Variants in PPP2R1B observed in about 807,000 individuals in gnomAD.
PPP2R1B encodes serine/threonine-protein phosphatase 2A 65 kDa regulatory subunit A beta isoform.
In PPP2R1B, 58 loss-of-function variants were observed where a neutral mutation model predicts 72.7. The ratio of observed to expected loss-of-function variants is 0.80; its 90% CI spans 0.65 to 0.99. The LOEUF (loss-of-function observed/expected upper bound fraction) is 0.99, where lower values mean the gene tolerates loss of function less well. Ranked by LOEUF, PPP2R1B falls within the 50% of genes least tolerant of loss-of-function variation. PPP2R1B has a pLI of 0.00. For synonymous variants in PPP2R1B, 256 were observed against 264.6 expected (o/e 0.97, Z 0.32); for missense variants, 695 against 733.6 (o/e 0.95, Z 0.61).
the PPP2R1B span, among the ~76,000 whole-genome samples, chr11:111,692,751 G>T: frequency 1.3e-5 from 2 of 151,840 alleles, no homozygotes; most frequent in East Asian, 3.9e-4. Flanking sequence ...GAAAAATAGG[G>T]CTCTGTGGGA....
the PPP2R1B span, among the ~76,000 whole-genome samples, chr11:111,704,429 G>C: frequency 6.6e-6 from 1 of 152,206 alleles, no homozygotes; most frequent in African/African-American, 2.4e-5. Flanking sequence ...GGTTTTAAGA[G>C]GGTGGGACTG....
chr11:111,739,735 G>A lies in PPP2R1B; in HGVS notation c.*1861C>T. On this transcript the variant is annotated 3_prime_UTR_variant, in exon 15 of 15. Coordinates refer to ENST00000527614, the MANE Select transcript of PPP2R1B (RefSeq NM_002716.5). ...CTCAAATATGAAATTCAATGAAGAAGAACATAACTTGCAGGTAACAAAAAA... is the reference window on the plus strand; with the variant it reads ...CTCAAATATGAAATTCAATGAAGAAAAACATAACTTGCAGGTAACAAAAAA... 2 of 983,140 alleles carry A rather than the reference G, an allele frequency of 2.0e-6. No individual in the cohort carries two copies. The allele number at this position is 983,140 out of a possible 1,614,324, so 60.9% of individuals were successfully genotyped here.
chr11:111,762,571 TA>T (rs1945365805), intron 3 of PPP2R1B, among the ~76,000 whole-genome samples: 1 of 151,080 alleles, frequency 6.6e-6, no homozygotes, highest in African/African-American at 2.4e-5. Context: ...TTTTTTTTTT[TA>T]AGAGACAGGG....
the PPP2R1B span, chr11:111,721,726 G>A: frequency 1.3e-6 from 1 of 746,950 alleles, no homozygotes; most frequent in Non-Finnish European, 2.1e-6. Context: ...AAGTCTCAGT[G>A]GAGTTGGTAT....
chr11:111,750,021 A>ATT (rs1555047401), intron 10 of PPP2R1B, among the ~76,000 whole-genome samples: 3 of 152,230 alleles, frequency 2.0e-5, no homozygotes, highest in Non-Finnish European at 4.4e-5. Flanking sequence ...TGAAGAGAAG[A>ATT]TGACCCATAG....
rs781577952 is a variant in PPP2R1B, at chr11:111,727,115, C to A, written c.1912-58G>T. On this transcript the variant is annotated intron_variant, in intron 15 of 15. Coordinates refer to the PPP2R1B transcript ENST00000311129. ...AAGAGGGGGCCCACTTTCACATTCC[C>A]GGTGACACTGACCGTCCCCAGCTGC... 3 of 1,476,634 alleles carry A rather than the reference C, an allele frequency of 2.0e-6. No homozygotes were observed. The African/African-American group carries it at 4.2e-5, about 20-fold the overall frequency. The allele number at this position is 1,476,634 out of a possible 1,614,324, so 91.5% of individuals were successfully genotyped here.
At position 111,737,911 on chromosome 11, in the gene PPP2R1B, T is replaced by C; in HGVS notation, c.*3685A>G. ...TCATATCAGTTTAAGAGAACAACTC[T>C]GGAGACAGAAATGGCTTGGCTTTCC... On this transcript the variant is annotated 3_prime_UTR_variant, in exon 15 of 15. Coordinates refer to ENST00000527614, the MANE Select transcript of PPP2R1B (RefSeq NM_002716.5). The C allele has an allele frequency of 9.4e-7, 1 of 1,061,470 alleles. No individual in the cohort carries two copies. The highest frequency in any genetic ancestry group is 1.1e-6 in the Non-Finnish European group (1 of 876,308). The allele number at this position is 1,061,470 out of a possible 1,614,324, so 65.8% of individuals were successfully genotyped here.
Position 111,743,358 on chromosome 11 carries a change from C to T in PPP2R1B, c.1554+18G>A, listed in dbSNP as rs374559029. On this transcript the variant is annotated intron_variant, in intron 12 of 14. Coordinates refer to ENST00000527614, the MANE Select transcript of PPP2R1B (RefSeq NM_002716.5). ...CTTTAATGATTAAGCTTAGCAATAA[C>T]AGTTATGTTATACTTACATTAATGC... 5 of 1,587,994 alleles carry T rather than the reference C, an allele frequency of 3.1e-6. No individual in the cohort carries two copies. Among genetic ancestry groups the T allele is most frequent in the Non-Finnish European group, 2.6e-6 (3 of 1,162,338 alleles).
At chr11:111,765,571 C>T (rs996436830) in intron 1 of PPP2R1B, among the ~76,000 whole-genome samples, 187 bp from the exon 2 acceptor site, 5 of 152,136 alleles carry the variant, frequency 3.3e-5, no homozygotes, top group African/African-American at 1.2e-4. Flanking sequence ...GCCTCACTAG[C>T]CGGCGGAGGA....
chr11:111,753,522 A>G lies in PPP2R1B; in HGVS notation c.1085T>C (p.Met362Thr), dbSNP rs782765845. The change falls in exon 9 of 15, where the codon ATG becomes ACG. Residue 362 changes from methionine (M) to threonine (T), a missense_variant. Coordinates refer to ENST00000527614, the MANE Select transcript of PPP2R1B (RefSeq NM_002716.5). ...TTTGCCCAAAATAGTAGACAATCCC[A>G]TAATTACAGAAGCTAGAGCCGATTT... ...HVKSALASVI[M>T]GLSTILGKEN... The G allele has an allele frequency of 1.2e-6, 2 of 1,613,036 alleles. No homozygotes were observed. The highest frequency in any genetic ancestry group is 1.7e-6 in the Non-Finnish European group (2 of 1,179,132).
chr11:111,759,725 TA>T (rs1267821852), intron 5 of PPP2R1B, 78 bp downstream of exon 5: 132 of 1,454,152 alleles, frequency 9.1e-5, no homozygotes, highest in Non-Finnish European at 1.2e-4. Context: ...ACAAGAAAAC[TA>T]AAACTCCCCA....
chr11:111,726,854 C>A (rs1047147256), downstream of PPP2R1B: 1 of 922,550 alleles, frequency 1.1e-6, no homozygotes, highest in Admixed American at 2.1e-5. Flanking sequence ...GTAAACCAGG[C>A]TCCTCTGAAG....
intron 15 of PPP2R1B, chr11:111,730,184 C>T (rs1178180675): frequency 6.6e-6 from 1 of 152,180 alleles, no homozygotes; most frequent in Non-Finnish European, 1.5e-5. Context: ...TAGAGGGGAG[C>T]TTTAAAAATA....
At position 111,740,605 on chromosome 11, in the gene PPP2R1B, A is replaced by C; in HGVS notation, c.*991T>G. 1.0e-6 allele frequency: 1 copy of C among 985,334 alleles called. No homozygotes were observed. Among genetic ancestry groups the C allele is most frequent in the South Asian group, 4.7e-5 (1 of 21,290 alleles). The allele number at this position is 985,334 out of a possible 1,614,324, so 61.0% of individuals were successfully genotyped here. On this transcript the variant is annotated 3_prime_UTR_variant, in exon 15 of 15. Coordinates refer to ENST00000527614, the MANE Select transcript of PPP2R1B (RefSeq NM_002716.5). ...ATTAATGAGGTTTTACTGTAAAAGT[A>C]GAAAAGCAAACACTTCAAATGATAA...
chr11:111,750,513 C>T (rs1395130369), intron 10 of PPP2R1B, among the ~76,000 whole-genome samples: 1 of 152,062 alleles, frequency 6.6e-6, no homozygotes. Flanking sequence ...TAATTAATGA[C>T]GGGCACTATG....
chr11:111,693,570 AT>A, the PPP2R1B span, among the ~76,000 whole-genome samples: 3 of 152,240 alleles, frequency 2.0e-5, no homozygotes, highest in Admixed American at 6.5e-5. Context: ...GATGAGGAAT[AT>A]TTAGTTTTAT....
chr11:111,724,291 C>A, downstream of PPP2R1B: 1 of 1,044,918 alleles, frequency 9.6e-7, no homozygotes, highest in Non-Finnish European at 1.3e-6. Context: ...GTGGATGTTG[C>A]TTCCTCCTGG....
At chr11:111,712,630 C>T in the PPP2R1B span, among the ~76,000 whole-genome samples, 1 of 152,196 alleles carries the variant, frequency 6.6e-6, no homozygotes, top group South Asian at 2.1e-4. Context: ...GTCTTTCTCG[C>T]TCACTAATTC....
At chr11:111,734,932 A>G (rs959883174), downstream of PPP2R1B, among the ~76,000 whole-genome samples, 2 of 152,206 alleles carry the variant, frequency 1.3e-5, no homozygotes, top group Non-Finnish European at 1.5e-5. Flanking sequence ...TGAGCTGCAG[A>G]ATGGCTCCAG....
Sources: allele counts gnomAD v4.1 joint callset (sites outside exome capture counted in the v4.1 genomes callset), GRCh38; gene constraint gnomAD v4.1.1; transcripts MANE v1.5; gene names NCBI Gene and HGNC (gene_info 2026-07-23, HGNC 2026-07-21).